The following KIAA1549L variants were observed in gnomAD, a reference collection of about 807,000 sequenced individuals.
KIAA1549L encodes the protein UPF0606 protein KIAA1549L.
KIAA1549L carries 88 observed loss-of-function variants against 160.7 expected under a neutral mutation model. The observed-to-expected ratio is 0.55, with a 90% confidence interval of 0.46 to 0.65. The LOEUF (loss-of-function observed/expected upper bound fraction) is 0.65. KIAA1549L is among the 30% of genes least tolerant of loss of function. The pLI is 0.00. For missense variants in KIAA1549L, 2,258 were observed against 2,437.5 expected (o/e 0.93, Z 1.55); for synonymous variants, 950 against 976.7 (o/e 0.97, Z 0.51).
chr11:33,428,452 TC>T (rs1220643821), intron 1 of KIAA1549L, among the ~76,000 whole-genome samples: 1 of 146,150 alleles, frequency 6.8e-6, no homozygotes, highest in East Asian at 2.2e-4. Context: ...TCCCTCCCCA[TC>T]CCCCCGCCCA....
chr11:33,471,623 C>G (rs1852180195), intron 1 of KIAA1549L, among the ~76,000 whole-genome samples: 2 of 152,210 alleles, frequency 1.3e-5, no homozygotes, highest in African/African-American at 2.4e-5. Flanking sequence ...ATGAGCTCAT[C>G]AGAGCCTTTA....
At chr11:33,478,154 T>C (rs979368450) in intron 1 of KIAA1549L, among the ~76,000 whole-genome samples, 2 of 152,252 alleles carry the variant, frequency 1.3e-5, no homozygotes, top group Non-Finnish European at 2.9e-5. Context: ...AATCATTGTC[T>C]TCTGTGGTAT....
chr11:33,400,374 AT>A (rs1467613528), intron 1 of KIAA1549L, among the ~76,000 whole-genome samples: 6 of 152,178 alleles, frequency 3.9e-5, no homozygotes, highest in Non-Finnish European at 5.9e-5. Flanking sequence ...GGGCTATCAA[AT>A]TTAGCATCCA....
intron 1 of KIAA1549L, among the ~76,000 whole-genome samples, chr11:33,504,337 A>C (rs560702533): frequency 3.3e-5 from 5 of 152,194 alleles, no homozygotes; most frequent in African/African-American, 1.2e-4. Context: ...ATCATCACTT[A>C]TTGTTTGCCT....
chr11:33,508,862 C>T (rs953907419), intron 1 of KIAA1549L, among the ~76,000 whole-genome samples: 6 of 152,184 alleles, frequency 3.9e-5, no homozygotes, highest in Admixed American at 1.3e-4. Context: ...CTGTGATCTT[C>T]GGCAAGTCAT....
At chr11:33,533,820 T>C (rs984730334) in intron 1 of KIAA1549L, among the ~76,000 whole-genome samples, 2 of 152,244 alleles carry the variant, frequency 1.3e-5, no homozygotes, top group Non-Finnish European at 2.9e-5. Flanking sequence ...GCTTTCACCC[T>C]TGTTTCCAAC....
At chr11:33,605,567 A>G (rs1850479185) in intron 13 of KIAA1549L, among the ~76,000 whole-genome samples, 1 of 152,226 alleles carries the variant, frequency 6.6e-6, no homozygotes. Context: ...CTTTGTAAAA[A>G]TAACAATTTA....
chr11:33,399,111 C>A (rs926710317), intron 1 of KIAA1549L, among the ~76,000 whole-genome samples: 1 of 152,052 alleles, frequency 6.6e-6, no homozygotes, highest in African/African-American at 2.4e-5. Context: ...CACCACCACG[C>A]CTGGCTAATT....
chr11:33,440,210 A>G lies in KIAA1549L; in HGVS notation c.238+63321A>G, dbSNP rs1468176201. Among the ~76,000 whole-genome samples the G allele has an allele frequency of 1.2e-4, 17 of 136,086 alleles. No individual in the cohort carries two copies. The Admixed American group carries it at 1.3e-3, about 11-fold the overall frequency. 89.3% of individuals were successfully genotyped at this position (136,086 alleles called of 152,430 possible). ...AGTGGCGGGATCTCGGCTCATTGCA[A>G]GCTCCACCTCCCGGGTTCACGCCAT... On this transcript the variant is annotated intron_variant, in intron 1 of 20. Transcript: ENST00000658780.
At chr11:33,377,548 T>C (rs1044800182) in intron 1 of KIAA1549L, among the ~76,000 whole-genome samples, 1 of 152,196 alleles carries the variant, frequency 6.6e-6, no homozygotes, top group Admixed American at 6.5e-5. Context: ...GTAAGTATTC[T>C]AGGTGGGGGT....
rs76654176 is a variant in KIAA1549L at position 33,581,929 on chromosome 11, C to T, written c.4403-1409C>T. On this transcript the variant is annotated intron_variant, in intron 10 of 20. Coordinates refer to ENST00000658780, the MANE Select transcript of KIAA1549L (RefSeq NM_012194.3). ...ACAATAAAACTGGGTAAAAGCTGAA[C>T]ATTCTTGCTAATAAAAAAAAGCATG... 7.2e-3 allele frequency among the ~76,000 whole-genome samples: 1,099 copies of T among 152,134 alleles called. 4 individuals carry two copies. Among genetic ancestry groups the T allele is most frequent in the Non-Finnish European group, 0.012 (808 of 67,992 alleles).
chr11:33,651,916 C>CCCCT (rs372287074), intron 17 of KIAA1549L, among the ~76,000 whole-genome samples: 7,327 of 67,284 alleles, frequency 0.11, 967 homozygotes, highest in Non-Finnish European at 0.15. Flanking sequence ...CCCTCCCCTC[C>CCCCT]CCCTCCCTCC....
At chr11:33,614,559 TATATATATATATATATATATATA>T (rs1850744461) in intron 15 of KIAA1549L, among the ~76,000 whole-genome samples, 3 of 16,224 alleles carry the variant, frequency 1.8e-4, no homozygotes, top group East Asian at 1.2e-3. Flanking sequence ...TATATATATA[TATATATATATATATATATATATA>T]TATTTTTTTT....
intron 16 of KIAA1549L, among the ~76,000 whole-genome samples, chr11:33,621,709 G>A (rs143633932): frequency 1.3e-5 from 2 of 152,132 alleles, no homozygotes; most frequent in African/African-American, 2.4e-5. Flanking sequence ...AATAAAGACC[G>A]AAGTGATTTT....
In KIAA1549L at chr11:33,522,482, C is replaced by T. The variant is rs191459013; in HGVS notation, c.239-19320C>T. Among the ~76,000 whole-genome samples, 39 of 152,286 alleles carry T rather than the reference C, an allele frequency of 2.6e-4. 1 individual carries two copies. The highest frequency in any genetic ancestry group is 1.0e-3 in the Admixed American group (16 of 15,290). ...ATGGTAAGAAGAACATCAGTACCCACGATATATCACACAGTCTTTTTCAGT... is the reference window on the plus strand; with the variant it reads ...ATGGTAAGAAGAACATCAGTACCCATGATATATCACACAGTCTTTTTCAGT... On this transcript the variant is annotated intron_variant, in intron 1 of 20. Coordinates refer to ENST00000658780, the MANE Select transcript of KIAA1549L (RefSeq NM_012194.3).
chr11:33,659,144 C>T (rs1473372253), intron 19 of KIAA1549L, among the ~76,000 whole-genome samples: 1 of 152,144 alleles, frequency 6.6e-6, no homozygotes. Flanking sequence ...TAACATTTTG[C>T]CAGACTTCAG....
At chr11:33,593,905 G>A (rs1167373324) in intron 12 of KIAA1549L, among the ~76,000 whole-genome samples, 3 of 152,020 alleles carry the variant, frequency 2.0e-5, no homozygotes, top group African/African-American at 7.3e-5. Flanking sequence ...AGACTGGGAA[G>A]AATCACCTAG....
At chr11:33,582,318 G>C (rs927155122) in intron 10 of KIAA1549L, among the ~76,000 whole-genome samples, 1 of 152,142 alleles carries the variant, frequency 6.6e-6, no homozygotes, top group Admixed American at 6.5e-5. Flanking sequence ...AATCAGAGAG[G>C]AAGACTGGCT....
At chr11:33,602,000 A>G (rs1444226270) in intron 13 of KIAA1549L, among the ~76,000 whole-genome samples, 1 of 152,228 alleles carries the variant, frequency 6.6e-6, no homozygotes, top group Admixed American at 6.5e-5. Context: ...TTCTGAGCCA[A>G]TTTCTAAACA....
Sources: allele counts gnomAD v4.1 joint callset (sites outside exome capture counted in the v4.1 genomes callset), GRCh38; gene constraint gnomAD v4.1.1; transcripts MANE v1.5; gene names NCBI Gene and HGNC (gene_info 2026-07-23, HGNC 2026-07-21).